The following MARCHF1 variants were observed in gnomAD, a reference collection of about 807,000 sequenced individuals.
The protein encoded by MARCHF1 is E3 ubiquitin-protein ligase MARCHF1.
A neutral mutation model predicts 54.2 loss-of-function variants in MARCHF1; 40 were observed. The observed-to-expected ratio is 0.74, with a 90% confidence interval of 0.57 to 0.96. MARCHF1 has a LOEUF of 0.96. Among genes scored for constraint, MARCHF1 ranks in the 40% least tolerant of loss-of-function variants. The probability of loss-of-function intolerance (pLI) is 0.00; values close to 1 mark genes in which losing one functional copy is unlikely to be tolerated. For synonymous variants in MARCHF1, 236 were observed against 236.3 expected, an observed-to-expected ratio of 1.00 and a Z score of 0.01; for missense variants, 586 against 656.5, an observed-to-expected ratio of 0.89 and a Z score of 1.17.
At chr4:163,862,529 C>G (rs941114119) in intron 3 of MARCHF1, among the ~76,000 whole-genome samples, 3 of 151,952 alleles carry the variant, frequency 2.0e-5, no homozygotes, top group African/African-American at 7.2e-5. Flanking sequence ...ATTAGAGTGG[C>G]TAAAATGCAA....
At chr4:163,543,047 T>C (rs1738772956) in intron 9 of MARCHF1, among the ~76,000 whole-genome samples, 1 of 152,034 alleles carries the variant, frequency 6.6e-6, no homozygotes, top group Non-Finnish European at 1.5e-5. Flanking sequence ...GCTGAATGAA[T>C]GTTCGGCCTA....
At chr4:164,195,421 C>T (rs932770981) in intron 1 of MARCHF1, among the ~76,000 whole-genome samples, 2 of 152,090 alleles carry the variant, frequency 1.3e-5, no homozygotes, top group African/African-American at 4.8e-5. Flanking sequence ...TTAAACAAAG[C>T]TATTGGGTAA....
At chr4:164,321,021 G>T (rs1461697109) in intron 1 of MARCHF1, among the ~76,000 whole-genome samples, 1 of 152,184 alleles carries the variant, frequency 6.6e-6, no homozygotes, top group Non-Finnish European at 1.5e-5. Context: ...GTGATTTGGT[G>T]AATACAGGGG....
At chr4:164,005,025 G>A (rs970687693) in intron 2 of MARCHF1, among the ~76,000 whole-genome samples, 1 of 151,698 alleles carries the variant, frequency 6.6e-6, no homozygotes, top group African/African-American at 2.4e-5. Context: ...AAACAATAAT[G>A]CAGAAAATTA....
At chr4:163,861,459 T>C (rs183588120) in intron 3 of MARCHF1, among the ~76,000 whole-genome samples, 12 of 152,232 alleles carry the variant, frequency 7.9e-5, no homozygotes, top group Admixed American at 5.2e-4. Context: ...CAATGCACAA[T>C]TGAAATTTGA....
chr4:163,709,504 A>T (rs186589699), intron 4 of MARCHF1, among the ~76,000 whole-genome samples: 1 of 152,324 alleles, frequency 6.6e-6, no homozygotes, highest in Admixed American at 6.5e-5. Context: ...AAACTCTGAA[A>T]AACAAAAATG....
At chr4:164,296,289 A>G (rs985462008) in intron 1 of MARCHF1, among the ~76,000 whole-genome samples, 1 of 152,174 alleles carries the variant, frequency 6.6e-6, no homozygotes, top group African/African-American at 2.4e-5. Context: ...CATCTGTGAT[A>G]GCTGTTAATT....
chr4:163,681,165 C>T lies in MARCHF1; in HGVS notation c.162+19648G>A, dbSNP rs1579189631. On this transcript the variant is annotated intron_variant, in intron 5 of 9. Coordinates refer to ENST00000514618, the MANE Select transcript of MARCHF1 (RefSeq NM_001394959.1). The stretch of plus-strand genomic sequence containing the variant: ...CATATTTTAAAGGGCTGTGCTATCA[C>T]ATGCATATGGGAATTGCTAAGATAT... 4.6e-5 allele frequency among the ~76,000 whole-genome samples: 7 copies of T among 152,206 alleles called. No individual in the cohort carries two copies. The South Asian group carries it at 1.5e-3, about 32-fold the overall frequency.
At chr4:163,647,998 C>T (rs1045726709) in intron 5 of MARCHF1, among the ~76,000 whole-genome samples, 1 of 151,490 alleles carries the variant, frequency 6.6e-6, no homozygotes, top group African/African-American at 2.4e-5. Flanking sequence ...ATTGACAAGC[C>T]TTTAGCTAAA....
intron 3 of MARCHF1, among the ~76,000 whole-genome samples, chr4:163,913,808 T>C (rs1751247857): frequency 6.6e-6 from 1 of 152,144 alleles, no homozygotes; most frequent in African/African-American, 2.4e-5. Context: ...GTAACTGCCA[T>C]CACAGTCTGC....
intron 1 of MARCHF1, among the ~76,000 whole-genome samples, chr4:164,184,544 C>T: frequency 6.6e-6 from 1 of 152,150 alleles, no homozygotes; most frequent in African/African-American, 2.4e-5. Flanking sequence ...AGGGTTATAC[C>T]AGTTAAATAG....
intron 3 of MARCHF1, among the ~76,000 whole-genome samples, chr4:163,964,670 T>C (rs1752407811): frequency 6.6e-6 from 1 of 151,436 alleles, no homozygotes; most frequent in South Asian, 2.1e-4. Flanking sequence ...TTTCTTATCC[T>C]CTGCTTCTCT....
intron 1 of MARCHF1, among the ~76,000 whole-genome samples, chr4:164,321,297 G>GGCTCCCCTC (rs1735137309): frequency 6.6e-6 from 1 of 152,090 alleles, no homozygotes; most frequent in Non-Finnish European, 1.5e-5. Flanking sequence ...ATTAAACAAA[G>GGCTCCCCTC]TAATTTTAAA....
chr4:164,361,652 T>G (rs753529612), intron 1 of MARCHF1, among the ~76,000 whole-genome samples: 1 of 152,178 alleles, frequency 6.6e-6, no homozygotes, highest in Admixed American at 6.6e-5. Flanking sequence ...TGATAACGTA[T>G]GCCAAAAGAA....
chr4:164,084,012 GT>G (rs910876286), intron 2 of MARCHF1, among the ~76,000 whole-genome samples: 4 of 151,894 alleles, frequency 2.6e-5, no homozygotes, highest in African/African-American at 9.7e-5. Flanking sequence ...CTCTAACTTA[GT>G]GGTAAGGTCC....
At chr4:163,755,698 A>G (rs1230565014) in intron 4 of MARCHF1, among the ~76,000 whole-genome samples, 1 of 152,058 alleles carries the variant, frequency 6.6e-6, no homozygotes, top group Non-Finnish European at 1.5e-5. Context: ...GAAAAAGAAG[A>G]TCACCAAAAT....
At chr4:163,665,255 A>T (rs9637645) in intron 5 of MARCHF1, among the ~76,000 whole-genome samples, 19,506 of 152,074 alleles carry the variant, frequency 0.13, 1,498 homozygotes, top group East Asian at 0.31. Context: ...TAATGATACA[A>T]ATGCAAATTA....
chr4:163,993,228 G>A (rs1169893480), intron 2 of MARCHF1, among the ~76,000 whole-genome samples: 1 of 151,912 alleles, frequency 6.6e-6, no homozygotes, highest in Non-Finnish European at 1.5e-5. Context: ...TAACATTTCT[G>A]GTTATGTGTT....
chr4:163,861,240 A>C lies in MARCHF1; in HGVS notation c.-38-7071T>G, dbSNP rs950833589. 2.4e-4 allele frequency among the ~76,000 whole-genome samples: 36 copies of C among 152,276 alleles called. No individual in the cohort carries two copies. The Middle Eastern group carries it at 0.01, about 43-fold the overall frequency. On this transcript the variant is annotated intron_variant, in intron 3 of 9. Transcript: ENST00000514618. ...GGTGTCAATGAGCTTGATGACAGAG[A>C]AACTTCAGAACTGAAATGAAAAGAG...
Sources: allele counts gnomAD v4.1 joint callset (sites outside exome capture counted in the v4.1 genomes callset), GRCh38; gene constraint gnomAD v4.1.1; transcripts MANE v1.5; gene names NCBI Gene and HGNC (gene_info 2026-07-23, HGNC 2026-07-21).